CCL28: variants seen among roughly 807,000 people sequenced by gnomAD.
CCL28 encodes C-C motif chemokine ligand 28, also known as C-C motif chemokine 28.
CCL28 carries 4 observed loss-of-function variants against 7.1 expected under a neutral mutation model. That is an observed-to-expected ratio of 0.56 (90% CI 0.28 to 1.29). The LOEUF (loss-of-function observed/expected upper bound fraction) is 1.29, where lower values mean the gene tolerates loss of function less well. Ranked by LOEUF, CCL28 falls within the 50% of genes most tolerant of loss-of-function variation. The pLI, the probability that CCL28 is intolerant of heterozygous loss-of-function variation, is 0.11. For missense variants in CCL28, 151 were observed against 163.4 expected (o/e 0.92, Z 0.41); for synonymous variants, 55 against 57.8 (o/e 0.95, Z 0.22).
At chr5:43,407,339 C>G (rs1038747860) in intron 1 of CCL28, among the ~76,000 whole-genome samples, 1 of 152,148 alleles carries the variant, frequency 6.6e-6, no homozygotes, top group Admixed American at 6.5e-5. Context: ...AATAATACCA[C>G]ACATCTACAA....
At chr5:43,407,280 A>G (rs759647861) in intron 1 of CCL28, among the ~76,000 whole-genome samples, 5 of 152,152 alleles carry the variant, frequency 3.3e-5, no homozygotes, top group Non-Finnish European at 7.4e-5. Flanking sequence ...GCATGGTACT[A>G]GTACCAAAAC....
intron 1 of CCL28, among the ~76,000 whole-genome samples, chr5:43,401,826 G>A (rs1330444384): frequency 6.6e-6 from 1 of 152,054 alleles, no homozygotes; most frequent in African/African-American, 2.4e-5. Flanking sequence ...AATTGAGATG[G>A]GCCCTTAAAT....
chr5:43,375,435 C>A (rs1739870512), downstream of CCL28, among the ~76,000 whole-genome samples: 1 of 126,650 alleles, frequency 7.9e-6, no homozygotes, highest in Non-Finnish European at 1.6e-5. Flanking sequence ...AACAGAAGCA[C>A]CCATCAGAAA....
At chr5:43,405,742 A>G (rs986701023) in intron 1 of CCL28, among the ~76,000 whole-genome samples, 118 of 152,360 alleles carry the variant, frequency 7.7e-4, no homozygotes, top group Non-Finnish European at 1.5e-3. Flanking sequence ...AAATTGATAG[A>G]CCACTAGCAA....
At chr5:43,401,630 C>T (rs1388906504) in intron 1 of CCL28, among the ~76,000 whole-genome samples, 1 of 152,084 alleles carries the variant, frequency 6.6e-6, no homozygotes, top group Non-Finnish European at 1.5e-5. Flanking sequence ...CATTTAAGTG[C>T]TTAGAACAGG....
chr5:43,374,724 T>C (rs1200910562), downstream of CCL28, among the ~76,000 whole-genome samples: 1 of 145,374 alleles, frequency 6.9e-6, no homozygotes. Flanking sequence ...AAGGTTGCAG[T>C]GAGCCGAGAT....
the CCL28 span, among the ~76,000 whole-genome samples, chr5:43,360,689 G>C: frequency 2.0e-5 from 3 of 151,976 alleles, no homozygotes; most frequent in African/African-American, 7.3e-5. Flanking sequence ...GTGATATTAA[G>C]CTTTTTTTCA....
the CCL28 span, among the ~76,000 whole-genome samples, chr5:43,369,063 AGAGAGAGAGAGAGAGAG>A: frequency 7.2e-6 from 1 of 138,032 alleles, no homozygotes; most frequent in Non-Finnish European, 1.5e-5. Context: ...AGAGAGAGAG[AGAGAGAGAGAGAGAGAG>A]AGAGAACCAG....
At chr5:43,396,347 G>C (rs1419403846) in intron 1 of CCL28, among the ~76,000 whole-genome samples, 1 of 152,140 alleles carries the variant, frequency 6.6e-6, no homozygotes, top group African/African-American at 2.4e-5. Context: ...TTATTAGCAA[G>C]GTCTTTTATG....
chr5:43,360,712 C>T, the CCL28 span, among the ~76,000 whole-genome samples: 1 of 152,026 alleles, frequency 6.6e-6, no homozygotes. Flanking sequence ...TGCCTATTGG[C>T]CACATGTATG....
chr5:43,384,760 T>C (rs899212717), intron 2 of CCL28, among the ~76,000 whole-genome samples: 3 of 152,124 alleles, frequency 2.0e-5, no homozygotes, highest in Non-Finnish European at 4.4e-5. Context: ...TCTTTACCCA[T>C]TCCTCTAAAC....
downstream of CCL28, among the ~76,000 whole-genome samples, chr5:43,373,071 G>A (rs1037519786): frequency 4.6e-5 from 7 of 152,204 alleles, no homozygotes; most frequent in Non-Finnish European, 1.0e-4. Context: ...AAAGTGCTGA[G>A]ATTACAGGCG....
At chr5:43,382,102 A>T (rs1184091375) in intron 2 of CCL28, 50 bp from the exon 3 acceptor site, 2 of 1,529,570 alleles carry the variant, frequency 1.3e-6, no homozygotes, top group Admixed American at 3.7e-5. Flanking sequence ...ACATATATAA[A>T]TAATCACTTA....
chr5:43,405,710 TG>T (rs1259701416), intron 1 of CCL28, among the ~76,000 whole-genome samples: 1 of 152,174 alleles, frequency 6.6e-6, no homozygotes, highest in Non-Finnish European at 1.5e-5. Context: ...ATCCAGGAGC[TG>T]GTTTTTTGAA....
At chr5:43,361,294 A>G in the CCL28 span, among the ~76,000 whole-genome samples, 1 of 152,178 alleles carries the variant, frequency 6.6e-6, no homozygotes, top group South Asian at 2.1e-4. Context: ...ACATGTATGT[A>G]TCTTTATAAT....
At chr5:43,403,123 A>C (rs947370993) in intron 1 of CCL28, among the ~76,000 whole-genome samples, 1 of 152,240 alleles carries the variant, frequency 6.6e-6, no homozygotes, top group African/African-American at 2.4e-5. Flanking sequence ...AAACTTCTGC[A>C]GACTTAAACG....
At chr5:43,368,092 G>C in the CCL28 span, among the ~76,000 whole-genome samples, 2 of 152,122 alleles carry the variant, frequency 1.3e-5, no homozygotes, top group Non-Finnish European at 2.9e-5. Context: ...TAAAGGGTTT[G>C]GCTCTGACCA....
At chr5:43,376,164 T>G (rs1030884581), downstream of CCL28, among the ~76,000 whole-genome samples, 2 of 152,188 alleles carry the variant, frequency 1.3e-5, no homozygotes, top group Non-Finnish European at 2.9e-5. Flanking sequence ...GATTGGTGCT[T>G]GGGAGGTATG....
chr5:43,388,250 T>G, intron 2 of CCL28, 100 bp downstream of exon 2: 1 of 1,419,478 alleles, frequency 7.0e-7, no homozygotes, highest in Non-Finnish European at 9.7e-7. Context: ...GGATGATTGT[T>G]TGTATGTTGT....
Sources: allele counts gnomAD v4.1 joint callset (sites outside exome capture counted in the v4.1 genomes callset), GRCh38; gene constraint gnomAD v4.1.1; transcripts MANE v1.5; gene names NCBI Gene and HGNC (gene_info 2026-07-23, HGNC 2026-07-21).